Variants in ZNF146 observed in about 807,000 individuals in gnomAD.
ZNF146 encodes the protein zinc finger protein 146, also known as zinc finger protein OZF.
Under a neutral mutation model 22.2 loss-of-function variants are expected in ZNF146, and 9 were observed. That is an observed-to-expected ratio of 0.41 (90% CI 0.24 to 0.71). The LOEUF is 0.71. Among genes scored for constraint, ZNF146 ranks in the 30% least tolerant of loss-of-function variants. The pLI is 0.34. For synonymous variants in ZNF146, 108 were observed against 119.2 expected, an observed-to-expected ratio of 0.91 and a Z score of 0.61; for missense variants, 194 against 344.8, an observed-to-expected ratio of 0.56 and a Z score of 3.46.
intron 3 of ZNF146, among the ~76,000 whole-genome samples, chr19:36,230,387 G>A (rs976866589): frequency 6.6e-5 from 10 of 152,184 alleles, no homozygotes; most frequent in Non-Finnish European, 1.3e-4. Flanking sequence ...TGGGGAGACA[G>A]ACAATGAGTA....
chr19:36,231,300 C>T (rs1977357672), intron 3 of ZNF146, among the ~76,000 whole-genome samples: 1 of 151,888 alleles, frequency 6.6e-6, no homozygotes. Context: ...GCCTCTGCCT[C>T]CCGGGTTCAA....
intron 2 of ZNF146, among the ~76,000 whole-genome samples, chr19:36,221,927 C>CTTTTTTTTTTTTT (rs60347994): frequency 8.5e-4 from 93 of 109,864 alleles, no homozygotes; most frequent in Non-Finnish European, 1.1e-3. Context: ...TTTTTTCTTT[C>CTTTTTTTTTTTTT]TTTTTTTTTT....
intron 3 of ZNF146, among the ~76,000 whole-genome samples, chr19:36,232,574 G>C (rs1339385295): frequency 6.6e-6 from 1 of 150,578 alleles, no homozygotes; most frequent in Non-Finnish European, 1.5e-5. Flanking sequence ...TGAATTTTTT[G>C]TGTGGAAATA....
chr19:36,221,927 C>CTTTT lies in ZNF146; in HGVS notation c.-855+3751_-855+3754dup, dbSNP rs60347994. 2.4e-3 allele frequency among the ~76,000 whole-genome samples: 266 copies of CTTTT among 109,838 alleles called. 1 individual carries two copies. The highest frequency in any genetic ancestry group is 3.1e-3 in the East Asian group (11 of 3,576). The allele number at this position is 109,838 out of a possible 152,430, so 72.1% of individuals were successfully genotyped here. On this transcript the variant is annotated intron_variant, in intron 2 of 3. Coordinates refer to ENST00000443387, the MANE Select transcript of ZNF146 (RefSeq NM_007145.3). ...AGAGATAGCCCTTCCTTTTTTCTTT[C>CTTTT]TTTTTTTTTTTTTTTTTTTTTTGAA...
chr19:36,226,356 A>G (rs1310454256), intron 2 of ZNF146, among the ~76,000 whole-genome samples: 1 of 152,160 alleles, frequency 6.6e-6, no homozygotes, highest in Non-Finnish European at 1.5e-5. Flanking sequence ...ACACCCCATT[A>G]GGAATTGGGT....
chr19:36,227,001 T>G (rs1977095525), intron 2 of ZNF146, among the ~76,000 whole-genome samples: 1 of 151,938 alleles, frequency 6.6e-6, no homozygotes, highest in Non-Finnish European at 1.5e-5. Flanking sequence ...GAGAATCACT[T>G]GGACCTGGGA....
Position 36,237,761 on chromosome 19 carries a change from C to T in ZNF146, c.*442C>T, listed in dbSNP as rs1324201286. ...AGCAGAAGAGATTTCAAAAAAAGAC[C>T]TATGCATTTATTAGAATTTGGAATA... On this transcript the variant is annotated 3_prime_UTR_variant, in exon 4 of 4. Transcript: ENST00000443387. The T allele has an allele frequency of 6.0e-6, 1 of 167,408 alleles. No homozygotes were observed. The highest frequency in any genetic ancestry group is 1.5e-5 in the Non-Finnish European group (1 of 68,474). 10.4% of individuals were successfully genotyped at this position (167,408 alleles called of 1,614,324 possible).
intron 3 of ZNF146, among the ~76,000 whole-genome samples, chr19:36,233,144 A>AG (rs1447221198): frequency 6.6e-6 from 1 of 152,176 alleles, no homozygotes; most frequent in Non-Finnish European, 1.5e-5. Context: ...AGCACTTGGG[A>AG]GGCAGATACG....
intron 1 of ZNF146, 139 bp downstream of exon 1, chr19:36,215,335 G>C (rs1010643248): frequency 4.6e-5 from 7 of 152,346 alleles, no homozygotes; most frequent in African/African-American, 1.7e-4. Flanking sequence ...GGGGGCCTCT[G>C]AGGCGGGTTT....
intron 3 of ZNF146, among the ~76,000 whole-genome samples, chr19:36,234,917 C>G (rs1038117458): frequency 6.6e-6 from 1 of 152,098 alleles, no homozygotes; most frequent in African/African-American, 2.4e-5. Context: ...TCAACTGTTC[C>G]TTACACTTTT....
chr19:36,227,224 A>G (rs1016545421), intron 2 of ZNF146, among the ~76,000 whole-genome samples: 4 of 151,132 alleles, frequency 2.6e-5, no homozygotes, highest in African/African-American at 9.7e-5. Context: ...CCCTGTCTCT[A>G]CTAAAATTAC....
intron 2 of ZNF146, among the ~76,000 whole-genome samples, chr19:36,219,504 T>C (rs907476421): frequency 6.6e-6 from 1 of 151,936 alleles, no homozygotes; most frequent in African/African-American, 2.4e-5. Flanking sequence ...GAATCTCTGA[T>C]GATTTTTTTT....
chr19:36,226,244 C>G (rs887873594), intron 2 of ZNF146, among the ~76,000 whole-genome samples: 23 of 152,202 alleles, frequency 1.5e-4, no homozygotes, highest in Non-Finnish European at 4.4e-5. Flanking sequence ...GAGTCTCAAA[C>G]TTGATCTCCC....
intron 3 of ZNF146, among the ~76,000 whole-genome samples, chr19:36,233,921 C>G (rs868040519): frequency 1.3e-5 from 2 of 152,136 alleles, no homozygotes; most frequent in African/African-American, 2.4e-5. Flanking sequence ...TTACGGGTGT[C>G]GGACTGGGGG....
At chr19:36,228,158 CAAAA>C (rs71171422) in intron 2 of ZNF146, among the ~76,000 whole-genome samples, 3 of 106,632 alleles carry the variant, frequency 2.8e-5, no homozygotes, top group Non-Finnish European at 1.8e-5. Flanking sequence ...GAAACTGTCT[CAAAA>C]AAAAAAAAAA....
rs1347964032 is a variant in ZNF146 at position 36,237,325 on chromosome 19, C to G, written c.*6C>G. 4.4e-6 allele frequency: 7 copies of G among 1,578,436 alleles called. No homozygotes were observed. Among genetic ancestry groups the G allele is most frequent in the Non-Finnish European group, 6.0e-6 (7 of 1,163,428 alleles). The stretch of plus-strand genomic sequence containing the variant: ...AGAAAATTCATACTCACTAAAAACC[C>G]CATGAAAGCCTTGAAAGTGGGAAAG... On this transcript the variant is annotated 3_prime_UTR_variant, in exon 4 of 4. Transcript: ENST00000443387.
chr19:36,219,111 TA>T (rs999619964), intron 2 of ZNF146, among the ~76,000 whole-genome samples: 49 of 152,288 alleles, frequency 3.2e-4, no homozygotes, highest in Admixed American at 3.2e-3. Flanking sequence ...CCTGGCCACT[TA>T]AAATTTTCTG....
intron 2 of ZNF146, among the ~76,000 whole-genome samples, chr19:36,224,801 G>A (rs1343454550): frequency 6.6e-6 from 1 of 152,040 alleles, no homozygotes; most frequent in Non-Finnish European, 1.5e-5. Flanking sequence ...TACGTGATAC[G>A]TATTCTCGTT....
intron 3 of ZNF146, among the ~76,000 whole-genome samples, chr19:36,230,312 A>T (rs1218015817): frequency 6.6e-6 from 1 of 152,240 alleles, no homozygotes; most frequent in Non-Finnish European, 1.5e-5. Context: ...ACTATTTCAG[A>T]TGCTAGGGAA....
Sources: gnomAD v4.1 joint callset for allele counts (sites outside exome capture counted in the v4.1 genomes callset) on GRCh38, gnomAD v4.1.1 for gene constraint, MANE v1.5 for transcripts, NCBI Gene and HGNC (gene_info 2026-07-23, HGNC 2026-07-21) for gene names.